FOXN3: variants seen among roughly 807,000 people sequenced by gnomAD.
The protein encoded by FOXN3 is forkhead box protein N3.
Under a neutral mutation model 38.4 loss-of-function variants are expected in FOXN3, and 7 were observed. That is an observed-to-expected ratio of 0.18 (90% CI 0.10 to 0.34). The LOEUF (loss-of-function observed/expected upper bound fraction) is 0.34, where lower values mean the gene tolerates loss of function less well. Ranked by LOEUF, FOXN3 falls within the 10% of genes least tolerant of loss-of-function variation. FOXN3 has a pLI of 1.00. For synonymous variants in FOXN3, 230 were observed against 242.2 expected (o/e 0.95, Z 0.47); for missense variants, 456 against 613.4 (o/e 0.74, Z 2.71).
chr14:89,416,201 G>C (rs1431704896), intron 1 of FOXN3, among the ~76,000 whole-genome samples: 2 of 152,132 alleles, frequency 1.3e-5, no homozygotes, highest in African/African-American at 4.8e-5. Context: ...ACCTGCGGGA[G>C]TGGCGATTGG....
intron 3 of FOXN3, among the ~76,000 whole-genome samples, chr14:89,324,850 A>G (rs1478008343): frequency 6.6e-6 from 1 of 152,052 alleles, no homozygotes; most frequent in East Asian, 1.9e-4. Flanking sequence ...AACCACCTGG[A>G]GATTGTATTA....
intron 2 of FOXN3, among the ~76,000 whole-genome samples, chr14:89,368,323 T>A: frequency 8.7e-6 from 1 of 115,486 alleles, no homozygotes; most frequent in Non-Finnish European, 1.9e-5. Context: ...AGAGTGAAAC[T>A]CTGTCTCAAA....
intron 1 of FOXN3, among the ~76,000 whole-genome samples, chr14:89,613,051 A>G (rs1396240798): frequency 3.1e-5 from 4 of 127,526 alleles, no homozygotes; most frequent in African/African-American, 1.2e-4. Flanking sequence ...CAGGAGGCGG[A>G]GGTTGCAGTC....
chr14:89,238,251 T>A (rs556835230), intron 4 of FOXN3, among the ~76,000 whole-genome samples: 18 of 152,216 alleles, frequency 1.2e-4, no homozygotes, highest in Admixed American at 5.2e-4. Context: ...GCAACATCAA[T>A]GGTAACTGTG....
At chr14:89,358,408 G>T (rs1410411596) in intron 2 of FOXN3, among the ~76,000 whole-genome samples, 1 of 152,148 alleles carries the variant, frequency 6.6e-6, no homozygotes, top group East Asian at 1.9e-4. Context: ...CCTAAGTCAA[G>T]TGCTCCAAGG....
chr14:89,402,613 T>C (rs1891279444), intron 2 of FOXN3, among the ~76,000 whole-genome samples: 1 of 152,222 alleles, frequency 6.6e-6, no homozygotes, highest in African/African-American at 2.4e-5. Flanking sequence ...GTGGGGTTTC[T>C]GGGAAAGCCC....
chr14:89,205,725 T>A (rs974678009), intron 4 of FOXN3, among the ~76,000 whole-genome samples: 2 of 152,198 alleles, frequency 1.3e-5, no homozygotes, highest in African/African-American at 4.8e-5. Flanking sequence ...CGCCTGCAGA[T>A]GGCAAAACTG....
chr14:89,442,832 G>A (rs1192067311), intron 1 of FOXN3, among the ~76,000 whole-genome samples: 1 of 152,154 alleles, frequency 6.6e-6, no homozygotes, highest in African/African-American at 2.4e-5. Flanking sequence ...CACCCAACTG[G>A]AGGGCCTGCT....
chr14:89,507,296 G>A (rs1407614861), intron 1 of FOXN3, among the ~76,000 whole-genome samples: 1 of 152,164 alleles, frequency 6.6e-6, no homozygotes, highest in Non-Finnish European at 1.5e-5. Context: ...ATTCCAAGGT[G>A]GTAAGGTAAG....
chr14:89,312,598 G>T (rs1173901245), intron 3 of FOXN3, among the ~76,000 whole-genome samples: 1 of 152,076 alleles, frequency 6.6e-6, no homozygotes, highest in Non-Finnish European at 1.5e-5. Flanking sequence ...CAGCTTCTAG[G>T]AATTAAACTT....
chr14:89,330,577 A>C (rs1011785619), intron 3 of FOXN3, among the ~76,000 whole-genome samples: 2 of 152,184 alleles, frequency 1.3e-5, no homozygotes, highest in Non-Finnish European at 2.9e-5. Flanking sequence ...GTAAAGAGAG[A>C]AAAGGCTATT....
intron 4 of FOXN3, among the ~76,000 whole-genome samples, chr14:89,275,714 A>G (rs1886279763): frequency 6.6e-6 from 1 of 152,240 alleles, no homozygotes; most frequent in Non-Finnish European, 1.5e-5. Context: ...TTGGATATGA[A>G]GCCAACCTAG....
chr14:89,231,813 C>T (rs1422834899), intron 4 of FOXN3, among the ~76,000 whole-genome samples: 2 of 152,104 alleles, frequency 1.3e-5, no homozygotes, highest in Non-Finnish European at 2.9e-5. Context: ...CTTCCAAGAC[C>T]AAGCAGATGG....
At chr14:89,391,733 G>A (rs772904379) in intron 2 of FOXN3, among the ~76,000 whole-genome samples, 7 of 152,116 alleles carry the variant, frequency 4.6e-5, no homozygotes, top group South Asian at 2.1e-4. Context: ...GGCCGGGCGC[G>A]GTGGCTCATG....
At position 89,528,376 on chromosome 14, in the gene FOXN3, C is replaced by CTTTTTTTTTTTTTTTTTT. The variant is rs55935162; in HGVS notation, c.-15+90634_-15+90651dup. ...TCATCCATACTCAACATGGATGAAT[C>CTTTTTTTTTTTTTTTTTT]TTTTTTTTTTTTTTTTTTTTTTTTT... On this transcript the variant is annotated intron_variant, in intron 1 of 6. Coordinates refer to the FOXN3 transcript ENST00000345097. 9.3e-5 allele frequency among the ~76,000 whole-genome samples: 5 copies of CTTTTTTTTTTTTTTTTTT among 53,576 alleles called. 1 individual carries two copies. The highest frequency in any genetic ancestry group is 7.8e-4 in the East Asian group (1 of 1,286). The allele number at this position is 53,576 out of a possible 152,430, so 35.1% of individuals were successfully genotyped here. A position where few individuals can be genotyped will look rare whatever the true frequency, so the allele number is the denominator to read the frequency against.
intron 1 of FOXN3, among the ~76,000 whole-genome samples, chr14:89,455,141 T>A (rs968231756): frequency 6.6e-6 from 1 of 152,154 alleles, no homozygotes; most frequent in African/African-American, 2.4e-5. Flanking sequence ...ATCAGTGAGA[T>A]TAAAGGCCTG....
At chr14:89,324,441 T>TGTGA (rs1414929518) in intron 3 of FOXN3, among the ~76,000 whole-genome samples, 1 of 106,908 alleles carries the variant, frequency 9.4e-6, no homozygotes, top group African/African-American at 4.2e-5. Context: ...GCTAAGTGTG[T>TGTGA]GCGTGTGTGT....
chr14:89,468,079 T>C (rs1386374399), intron 1 of FOXN3, among the ~76,000 whole-genome samples: 2 of 152,056 alleles, frequency 1.3e-5, no homozygotes, highest in Non-Finnish European at 2.9e-5. Context: ...TTGATTATTT[T>C]TTTTTTTATA....
At chr14:89,529,246 A>G (rs1894502649) in intron 1 of FOXN3, among the ~76,000 whole-genome samples, 1 of 152,174 alleles carries the variant, frequency 6.6e-6, no homozygotes, top group Non-Finnish European at 1.5e-5. Context: ...TATGTTTAAT[A>G]TTAATTACTA....
Sources: gnomAD v4.1 joint callset for allele counts (sites outside exome capture counted in the v4.1 genomes callset) on GRCh38, gnomAD v4.1.1 for gene constraint, MANE v1.5 for transcripts, NCBI Gene and HGNC (gene_info 2026-07-23, HGNC 2026-07-21) for gene names.